Variants in GLI2 observed in about 807,000 individuals in gnomAD.
The protein encoded by GLI2 is transcription activator GLI2.
GLI2 carries 22 observed loss-of-function variants against 78.9 expected under a neutral mutation model. The ratio of observed to expected loss-of-function variants is 0.28; its 90% confidence interval spans 0.20 to 0.40. The LOEUF is 0.40. GLI2 is among the 10% of genes least tolerant of loss of function. The pLI, the probability that GLI2 is intolerant of heterozygous loss-of-function variation, is 1.00. For synonymous variants in GLI2, 974 were observed against 963.7 expected, an observed-to-expected ratio of 1.01 and a Z score of -0.20; for missense variants, 2,097 against 2,213.2, an observed-to-expected ratio of 0.95 and a Z score of 1.05.
chr2:120,862,459 C>T (rs769349149), intron 2 of GLI2, among the ~76,000 whole-genome samples: 4 of 152,158 alleles, frequency 2.6e-5, no homozygotes, highest in Non-Finnish European at 5.9e-5. Context: ...CTAAGGTATC[C>T]GTGTGACTTC....
intron 1 of GLI2, among the ~76,000 whole-genome samples, chr2:120,774,620 T>G (rs1233575001): frequency 6.6e-6 from 1 of 152,178 alleles, no homozygotes; most frequent in African/African-American, 2.4e-5. Context: ...ACAGGAAAAT[T>G]GAAATAAAAC....
chr2:120,972,781 G>T (rs1273387377), intron 8 of GLI2: 8 of 475,520 alleles, frequency 1.7e-5, no homozygotes, highest in Non-Finnish European at 3.4e-5. Flanking sequence ...GGAGAGAAGA[G>T]CGGAGCAGCC....
chr2:120,921,136 G>A (rs1021839538), intron 2 of GLI2, among the ~76,000 whole-genome samples: 4 of 152,168 alleles, frequency 2.6e-5, no homozygotes, highest in African/African-American at 9.7e-5. Flanking sequence ...TCCATCGGGG[G>A]CTGTGGGACA....
Position 120,955,288 on chromosome 2 carries a change from T to C in GLI2, c.501T>C (p.Pro167=). 6.2e-7 allele frequency: 1 copy of C among 1,608,926 alleles called. No individual in the cohort carries two copies. Among genetic ancestry groups the C allele is most frequent in the Non-Finnish European group, 8.5e-7 (1 of 1,177,302 alleles). Residue 167 remains proline (P), a synonymous_variant, in exon 5 of 14, where the codon CCT becomes CCC. Transcript: ENST00000361492. The part of the protein sequence containing the change: ...HLKERGLFGL[P]APGTTPSDYY... ...AGGAGAGGGGACTGTTTGGCCTTCCTGCTCCAGGCACCACCCCCTCAGACT... is the reference window on the plus strand; with the variant it reads ...AGGAGAGGGGACTGTTTGGCCTTCCCGCTCCAGGCACCACCCCCTCAGACT...
At chr2:120,826,567 G>A (rs1168398166) in intron 2 of GLI2, among the ~76,000 whole-genome samples, 2 of 152,152 alleles carry the variant, frequency 1.3e-5, no homozygotes, top group Non-Finnish European at 2.9e-5. Context: ...TTGGAGTGGT[G>A]GAGATTTTTA....
Position 120,800,787 on chromosome 2 carries a change from TGA to T in GLI2, c.148+3321_148+3322del, listed in dbSNP as rs1485909192. ...TCCCAAAGTGCCGGGATTACAGGTG[TGA>T]GCCACCGCACCCGGCCGAAAGGGAT... On this transcript the variant is annotated intron_variant, in intron 2 of 13. Coordinates refer to ENST00000361492, the MANE Select transcript of GLI2 (RefSeq NM_001374353.1). The surrounding 1 kb of genome is among the most constrained non-coding windows in gnomAD (Gnocchi z 4.1). Among the ~76,000 whole-genome samples the T allele has an allele frequency of 6.6e-6, 1 of 152,168 alleles. No homozygotes were observed. Among genetic ancestry groups the T allele is most frequent in the African/African-American group, 2.4e-5 (1 of 41,442 alleles).
intron 4 of GLI2, among the ~76,000 whole-genome samples, chr2:120,951,966 A>G (rs1211542207): frequency 2.0e-5 from 3 of 152,210 alleles, no homozygotes; most frequent in African/African-American, 4.8e-5. Flanking sequence ...GGCCCGGCTC[A>G]GAGATCAGAT....
chr2:120,921,703 A>C (rs1162165272), intron 2 of GLI2, among the ~76,000 whole-genome samples: 1 of 152,138 alleles, frequency 6.6e-6, no homozygotes, highest in Non-Finnish European at 1.5e-5. Flanking sequence ...CTCCTTGTAC[A>C]GCATTTCCAA....
chr2:120,875,024 A>G (rs1347725908), intron 2 of GLI2, among the ~76,000 whole-genome samples: 1 of 152,234 alleles, frequency 6.6e-6, no homozygotes, highest in African/African-American at 2.4e-5. Flanking sequence ...TTCCTAACCC[A>G]TAAAACGGTG....
At chr2:120,893,208 ATT>A (rs1677764629) in intron 2 of GLI2, among the ~76,000 whole-genome samples, 1 of 152,092 alleles carries the variant, frequency 6.6e-6, no homozygotes, top group African/African-American at 2.4e-5. Flanking sequence ...CTTGTTTCCT[ATT>A]TTAGTTTTTG....
chr2:120,794,304 T>C (rs1684284012), intron 1 of GLI2, among the ~76,000 whole-genome samples: 1 of 152,130 alleles, frequency 6.6e-6, no homozygotes, highest in African/African-American at 2.4e-5. Flanking sequence ...GGCCTGGCTG[T>C]GTGCAAGGGC....
chr2:120,941,133 C>G (rs143198533), intron 3 of GLI2, among the ~76,000 whole-genome samples: 36 of 152,320 alleles, frequency 2.4e-4, no homozygotes, highest in African/African-American at 8.4e-4. Context: ...CAGAGCCTCC[C>G]CATGAGGACA....
At chr2:120,772,351 G>A (rs1249731459) in intron 1 of GLI2, among the ~76,000 whole-genome samples, 1 of 152,112 alleles carries the variant, frequency 6.6e-6, no homozygotes, top group East Asian at 1.9e-4. Flanking sequence ...TGTTCTGCAA[G>A]TCACTATTGG....
intron 2 of GLI2, among the ~76,000 whole-genome samples, chr2:120,836,985 C>T (rs547831030): frequency 9.8e-5 from 15 of 152,286 alleles, no homozygotes; most frequent in Middle Eastern, 3.4e-3. Context: ...TCTTTTGCAA[C>T]GTATTGGACG....
At chr2:120,904,322 C>T (rs1361817749) in intron 2 of GLI2, among the ~76,000 whole-genome samples, 1 of 152,210 alleles carries the variant, frequency 6.6e-6, no homozygotes, top group Non-Finnish European at 1.5e-5. Context: ...TGAGCATGAA[C>T]CTGTGCCTGC....
intron 3 of GLI2, among the ~76,000 whole-genome samples, chr2:120,930,698 G>A (rs1679909289): frequency 1.3e-5 from 2 of 152,250 alleles, no homozygotes; most frequent in South Asian, 4.1e-4. Context: ...CACGGAAGGG[G>A]TCTGTGTCTA....
chr2:120,982,484 C>A (rs958207035), intron 10 of GLI2, among the ~76,000 whole-genome samples: 1 of 152,190 alleles, frequency 6.6e-6, no homozygotes, highest in Non-Finnish European at 1.5e-5. Flanking sequence ...TGAAACTTAC[C>A]TGCGTGTCAG....
rs187766234 is a variant in GLI2, at chr2:120,809,851, G to A, written c.148+12383G>A. ...TTGGAGGGGAGCTGAGTAAATCACC[G>A]AGAAAGAGCACCAGCCTCCAGCTAA... On this transcript the variant is annotated intron_variant, in intron 2 of 13. Transcript: ENST00000361492. 3.3e-5 allele frequency among the ~76,000 whole-genome samples: 5 copies of A among 152,296 alleles called. No homozygotes were observed. The East Asian group carries it at 5.8e-4, about 18-fold the overall frequency.
intron 1 of GLI2, among the ~76,000 whole-genome samples, chr2:120,796,272 A>T (rs1684388554): frequency 1.3e-5 from 2 of 151,970 alleles, no homozygotes. Flanking sequence ...CTCTGCCTTC[A>T]AACCATGTCC....
Sources: gnomAD v4.1 joint callset for allele counts (sites outside exome capture counted in the v4.1 genomes callset) on GRCh38, gnomAD v4.1.1 for gene constraint, Gnocchi (gnomAD v3.1) non-coding constraint, MANE v1.5 for transcripts, NCBI Gene and HGNC (gene_info 2026-07-23, HGNC 2026-07-21) for gene names.